SEMA5A: variants seen among roughly 807,000 people sequenced by gnomAD.
SEMA5A encodes semaphorin 5A, also known as semaphorin-5A.
Under a neutral mutation model 135.5 loss-of-function variants are expected in SEMA5A, and 55 were observed. That is an observed-to-expected ratio of 0.41 (90% confidence interval 0.33 to 0.51). The LOEUF (loss-of-function observed/expected upper bound fraction) is 0.51. SEMA5A is among the 20% of genes least tolerant of loss of function. The pLI is 0.37. For missense variants in SEMA5A, 1,290 were observed against 1,419.9 expected (o/e 0.91, Z 1.47); for synonymous variants, 580 against 546.5 (o/e 1.06, Z -0.85).
At chr5:9,280,012 A>G (rs974839874) in intron 5 of SEMA5A, among the ~76,000 whole-genome samples, 37 of 152,344 alleles carry the variant, frequency 2.4e-4, no homozygotes, top group African/African-American at 8.2e-4. Context: ...TTTCCAAGAA[A>G]GAGGTGACTG....
At chr5:9,339,767 G>A (rs939540628) in intron 3 of SEMA5A, among the ~76,000 whole-genome samples, 2 of 152,156 alleles carry the variant, frequency 1.3e-5, no homozygotes, top group African/African-American at 4.8e-5. Context: ...GCTTTGAAAC[G>A]TTTTCAGGAA....
rs1560923010 is a variant in SEMA5A at position 9,108,021 on chromosome 5, G to A, written c.2073+119C>T. ...GTACCAAATTTGTGCAGAGCCTCTA[G>A]TGTGTGCAGAACATTTATTGTTTGC... is the stretch of plus-strand genomic sequence containing the variant. On this transcript the variant is annotated intron_variant, in intron 16 of 22. Coordinates refer to ENST00000382496, the MANE Select transcript of SEMA5A (RefSeq NM_003966.3). 6.2e-6 allele frequency: 8 copies of A among 1,280,628 alleles called. No individual in the cohort carries two copies. The South Asian group carries it at 8.9e-5, about 14-fold the overall frequency. 79.3% of individuals were successfully genotyped at this position (1,280,628 alleles called of 1,614,324 possible).
At chr5:9,161,873 G>C (rs999573483) in intron 11 of SEMA5A, among the ~76,000 whole-genome samples, 1 of 152,198 alleles carries the variant, frequency 6.6e-6, no homozygotes, top group African/African-American at 2.4e-5. Flanking sequence ...AGATGATGGA[G>C]GTTCACCAAG....
chr5:9,071,540 T>G (rs1401865802), intron 16 of SEMA5A, among the ~76,000 whole-genome samples: 1 of 152,232 alleles, frequency 6.6e-6, no homozygotes, highest in African/African-American at 2.4e-5. Context: ...ATAAGTCTAC[T>G]GAGATGAAAT....
intron 2 of SEMA5A, among the ~76,000 whole-genome samples, chr5:9,391,604 C>G (rs1756163565): frequency 6.6e-6 from 1 of 152,144 alleles, no homozygotes; most frequent in Non-Finnish European, 1.5e-5. Flanking sequence ...ATAAGCAAAT[C>G]CCGTCACTAC....
chr5:9,506,872 G>C (rs1735911367), intron 1 of SEMA5A, among the ~76,000 whole-genome samples: 1 of 152,132 alleles, frequency 6.6e-6, no homozygotes, highest in Non-Finnish European at 1.5e-5. Flanking sequence ...CCTACAGGGA[G>C]CTCTTTCCTG....
intron 8 of SEMA5A, among the ~76,000 whole-genome samples, chr5:9,208,384 G>C (rs59081292): frequency 0.022 from 3,325 of 152,284 alleles, 132 homozygotes; most frequent in African/African-American, 0.074. Flanking sequence ...CTGCCTCAAG[G>C]GGCTGTCCTG....
chr5:9,305,708 G>GCA lies in SEMA5A; in HGVS notation c.270+12663_270+12664insTG, dbSNP rs1554017499. 2.2e-5 allele frequency among the ~76,000 whole-genome samples: 3 copies of GCA among 139,250 alleles called. 1 individual carries two copies. The highest frequency in any genetic ancestry group is 2.3e-4 in the South Asian group (1 of 4,270). The allele number at this position is 139,250 out of a possible 152,430, so 91.4% of individuals were successfully genotyped here. On this transcript the variant is annotated intron_variant, in intron 5 of 22. Transcript: ENST00000382496. ...CAGTATATATACTGTGTGTGTGTGC[G>GCA]TATATATATATATATATATTTACAC...
At chr5:9,390,319 T>C (rs956608682) in intron 2 of SEMA5A, among the ~76,000 whole-genome samples, 1 of 152,140 alleles carries the variant, frequency 6.6e-6, no homozygotes, top group Non-Finnish European at 1.5e-5. Flanking sequence ...TATCACCAAA[T>C]GTATGAACCC....
chr5:9,252,893 C>T (rs1224742928), intron 5 of SEMA5A, among the ~76,000 whole-genome samples: 1 of 152,122 alleles, frequency 6.6e-6, no homozygotes, highest in Non-Finnish European at 1.5e-5. Context: ...CACTCTTGGG[C>T]TCTCACCCTT....
chr5:9,391,269 C>T (rs556699392), intron 2 of SEMA5A, among the ~76,000 whole-genome samples: 8 of 152,276 alleles, frequency 5.3e-5, no homozygotes, highest in African/African-American at 9.6e-5. Flanking sequence ...CAGCAAATGA[C>T]GCAATGGCTT....
At chr5:9,308,786 G>C (rs752337373) in intron 5 of SEMA5A, among the ~76,000 whole-genome samples, 1 of 152,040 alleles carries the variant, frequency 6.6e-6, no homozygotes, top group East Asian at 1.9e-4. Flanking sequence ...ACATAAACTT[G>C]TAGACCTCAA....
At chr5:9,203,066 C>CAT (rs1268321451) in intron 8 of SEMA5A, among the ~76,000 whole-genome samples, 13 of 152,184 alleles carry the variant, frequency 8.5e-5, no homozygotes, top group African/African-American at 2.9e-4. Context: ...CTGAATTTTA[C>CAT]ATACAGCATT....
intron 13 of SEMA5A, among the ~76,000 whole-genome samples, chr5:9,129,223 A>G (rs1054396078): frequency 3.3e-5 from 5 of 152,270 alleles, no homozygotes; most frequent in Admixed American, 2.6e-4. Context: ...GTGCAGAAAC[A>G]GTTACCAAAC....
intron 2 of SEMA5A, among the ~76,000 whole-genome samples, chr5:9,416,647 C>A (rs1218302185): frequency 6.6e-6 from 1 of 152,172 alleles, no homozygotes; most frequent in Non-Finnish European, 1.5e-5. Context: ...TACATAAATA[C>A]ACACAATGTC....
At chr5:9,090,817 C>T (rs1738991956) in intron 16 of SEMA5A, among the ~76,000 whole-genome samples, 1 of 152,190 alleles carries the variant, frequency 6.6e-6, no homozygotes, top group South Asian at 2.1e-4. Context: ...CCGGCATCAC[C>T]AACTTCCTCT....
At chr5:9,234,206 G>T (rs749971981) in intron 6 of SEMA5A, among the ~76,000 whole-genome samples, 3 of 152,184 alleles carry the variant, frequency 2.0e-5, no homozygotes, top group Non-Finnish European at 4.4e-5. Context: ...ATGGGGAAAT[G>T]TGGGTTGTCT....
intron 21 of SEMA5A, among the ~76,000 whole-genome samples, chr5:9,045,440 T>C (rs1736197641): frequency 6.6e-6 from 1 of 152,246 alleles, no homozygotes. Context: ...CTTTTCATTA[T>C]ATTTTTTGAG....
intron 4 of SEMA5A, among the ~76,000 whole-genome samples, chr5:9,336,343 C>A (rs1024814900): frequency 6.6e-6 from 1 of 152,148 alleles, no homozygotes; most frequent in South Asian, 2.1e-4. Context: ...CAGCTTATAT[C>A]CAATGGGAGC....
Sources: gnomAD v4.1 joint callset for allele counts (sites outside exome capture counted in the v4.1 genomes callset) on GRCh38, gnomAD v4.1.1 for gene constraint, MANE v1.5 for transcripts, NCBI Gene and HGNC (gene_info 2026-07-23, HGNC 2026-07-21) for gene names.